Variants in PDE4D observed in about 807,000 individuals in gnomAD.
The protein encoded by PDE4D is 3',5'-cyclic-AMP phosphodiesterase 4D.
A neutral mutation model predicts 87.4 loss-of-function variants in PDE4D; 24 were observed. That is an observed-to-expected ratio of 0.27 (90% confidence interval 0.20 to 0.39). The LOEUF is 0.39. Among genes scored for constraint, PDE4D ranks in the 10% least tolerant of loss-of-function variants. PDE4D has a pLI of 1.00. For synonymous variants in PDE4D, 384 were observed against 383.2 expected (o/e 1.00, Z -0.02); for missense variants, 714 against 1,041.0 (o/e 0.69, Z 4.32).
At chr5:60,036,503 C>T (rs1192569141) in intron 2 of PDE4D, among the ~76,000 whole-genome samples, 1 of 152,154 alleles carries the variant, frequency 6.6e-6, no homozygotes, top group Non-Finnish European at 1.5e-5. Context: ...AGGCCATTAA[C>T]CTAATAATTT....
At chr5:60,441,900 A>G (rs1745251792) in intron 1 of PDE4D, among the ~76,000 whole-genome samples, 1 of 152,240 alleles carries the variant, frequency 6.6e-6, no homozygotes, top group African/African-American at 2.4e-5. Flanking sequence ...ATACCATCTC[A>G]TGCCAATTAG....
chr5:59,762,505 CATATGTGT>C (rs1401785222), intron 1 of PDE4D, among the ~76,000 whole-genome samples: 22 of 114,312 alleles, frequency 1.9e-4, no homozygotes, highest in African/African-American at 8.0e-4. Context: ...TATGGGTACA[CATATGTGT>C]ATATGTGTAT....
intron 1 of PDE4D, chr5:59,586,846 T>C (rs1825221065): frequency 5.1e-6 from 5 of 985,488 alleles, no homozygotes; most frequent in Non-Finnish European, 4.8e-6. Flanking sequence ...TGCTTTGCCA[T>C]GCTGTCCTTT....
At chr5:60,424,113 G>T (rs1743412778) in intron 1 of PDE4D, among the ~76,000 whole-genome samples, 1 of 152,192 alleles carries the variant, frequency 6.6e-6, no homozygotes, top group East Asian at 1.9e-4. Flanking sequence ...GAGGTACAAA[G>T]AGGAGCTGGT....
chr5:60,072,287 A>G (rs114078228), intron 2 of PDE4D, among the ~76,000 whole-genome samples: 2,031 of 152,132 alleles, frequency 0.013, 42 homozygotes, highest in African/African-American at 0.047. Flanking sequence ...AGTTTTTTTC[A>G]TATGCTTGTT....
At chr5:59,636,491 T>A (rs771370813) in intron 1 of PDE4D, among the ~76,000 whole-genome samples, 6 of 152,152 alleles carry the variant, frequency 3.9e-5, no homozygotes, top group Non-Finnish European at 7.4e-5. Flanking sequence ...TCAAGCTACC[T>A]GACTTCAAAC....
intron 3 of PDE4D, among the ~76,000 whole-genome samples, chr5:59,911,315 C>T (rs945321329): frequency 3.3e-5 from 5 of 152,072 alleles, no homozygotes; most frequent in African/African-American, 9.7e-5. Context: ...ACCCTGAACT[C>T]GAAGGATCAG....
chr5:60,506,203 A>G (rs1183690779), intron 1 of PDE4D, among the ~76,000 whole-genome samples: 1 of 152,216 alleles, frequency 6.6e-6, no homozygotes, highest in East Asian at 1.9e-4. Context: ...GAACTGGAAC[A>G]TGTATTCACT....
At chr5:59,161,375 G>A (rs10472094) in intron 5 of PDE4D, among the ~76,000 whole-genome samples, 36,167 of 152,064 alleles carry the variant, frequency 0.24, 4,566 homozygotes, top group African/African-American at 0.29. Context: ...AGTTGGGGGA[G>A]GGCTTCGAGG....
At chr5:59,159,391 C>T (rs1332602444) in intron 5 of PDE4D, among the ~76,000 whole-genome samples, 1 of 152,106 alleles carries the variant, frequency 6.6e-6, no homozygotes, top group African/African-American at 2.4e-5. Context: ...CCTCAGCCTC[C>T]CAAAGTGCTG....
intron 1 of PDE4D, among the ~76,000 whole-genome samples, chr5:59,526,661 T>C (rs983533434): frequency 1.1e-4 from 16 of 152,282 alleles, no homozygotes; most frequent in Admixed American, 2.0e-4. Context: ...TCTTGTTCTA[T>C]CTCCCTGGCT....
At chr5:59,385,033 G>T (rs977517291) in intron 1 of PDE4D, among the ~76,000 whole-genome samples, 28 of 152,074 alleles carry the variant, frequency 1.8e-4, no homozygotes, top group Admixed American at 1.1e-3. Flanking sequence ...TTTCCAAATG[G>T]TACTCATATC....
chr5:59,061,711 AT>A (rs1763140169), intron 5 of PDE4D, among the ~76,000 whole-genome samples: 1 of 152,158 alleles, frequency 6.6e-6, no homozygotes, highest in Non-Finnish European at 1.5e-5. Context: ...ATGCTGTTAA[AT>A]ATACTTGGGT....
intron 5 of PDE4D, among the ~76,000 whole-genome samples, chr5:59,085,472 CT>C (rs1425765561): frequency 2.6e-5 from 4 of 152,254 alleles, no homozygotes; most frequent in African/African-American, 9.6e-5. Context: ...GCTATAGCCA[CT>C]CAATAAATAT....
Position 60,315,857 on chromosome 5 carries a change from G to C in PDE4D, c.-89-130170C>G, listed in dbSNP as rs562411885. Among the ~76,000 whole-genome samples the C allele has an allele frequency of 7.9e-5, 12 of 152,022 alleles. 1 individual carries two copies. The East Asian group carries it at 2.1e-3, about 27-fold the overall frequency. On this transcript the variant is annotated intron_variant, in intron 1 of 16. Coordinates refer to the PDE4D transcript ENST00000502484. ...TTCCATTGGTCTATATCTCTGTTTT[G>C]GTACCAGTACCATGCTGTTTTGGTG...
rs613373 is a variant in PDE4D, at chr5:60,515,605, T to C, written n.70+6446A>G. On this transcript the variant is annotated intron_variant and non_coding_transcript_variant, in intron 1 of 2. Transcript: ENST00000506510. ...GCTTTCTTTCCTTTTCTTTTTCTTT[T>C]TTTTTTTTTTTTTTCTGTCAGGATG... Among the ~76,000 whole-genome samples the C allele has an allele frequency of 1.8e-3, 151 of 84,170 alleles. 1 individual carries two copies. The highest frequency in any genetic ancestry group is 9.7e-3 in the East Asian group (15 of 1,546). 55.2% of individuals were successfully genotyped at this position (84,170 alleles called of 152,430 possible). A position where few individuals can be genotyped will look rare whatever the true frequency, so the allele number is the denominator to read the frequency against.
intron 1 of PDE4D, among the ~76,000 whole-genome samples, chr5:60,239,950 C>T (rs1327852456): frequency 6.6e-6 from 1 of 151,996 alleles, no homozygotes; most frequent in Non-Finnish European, 1.5e-5. Context: ...GCTAGAACAA[C>T]CAATTAAACA....
intron 1 of PDE4D, among the ~76,000 whole-genome samples, chr5:60,345,294 C>T (rs1583481713): frequency 1.3e-5 from 2 of 150,892 alleles, no homozygotes; most frequent in South Asian, 2.1e-4. Context: ...TGGGGCCTGT[C>T]GTGGGGTGGG....
intron 5 of PDE4D, among the ~76,000 whole-genome samples, chr5:59,055,736 G>C (rs1024002045): frequency 3.3e-5 from 5 of 152,152 alleles, no homozygotes; most frequent in Admixed American, 2.6e-4. Context: ...TACTTCTTCT[G>C]TTTTTGTTTT....
Sources: gnomAD v4.1 joint callset for allele counts (sites outside exome capture counted in the v4.1 genomes callset) on GRCh38, gnomAD v4.1.1 for gene constraint, MANE v1.5 for transcripts, NCBI Gene and HGNC (gene_info 2026-07-23, HGNC 2026-07-21) for gene names.